Variants in CACNA1B observed in about 807,000 individuals in gnomAD.
CACNA1B encodes voltage-dependent N-type calcium channel subunit alpha-1B.
Under a neutral mutation model 247.2 loss-of-function variants are expected in CACNA1B, and 70 were observed. The observed-to-expected ratio is 0.28, with a 90% CI of 0.23 to 0.35. The LOEUF is 0.35. CACNA1B is among the 10% of genes least tolerant of loss of function. The pLI, the probability that CACNA1B is intolerant of heterozygous loss-of-function variation, is 1.00. For missense variants in CACNA1B, 2,367 were observed against 3,197.4 expected (o/e 0.74, Z 6.26); for synonymous variants, 1,231 against 1,294.4 (o/e 0.95, Z 1.05).
chr9:138,052,072 C>G lies in CACNA1B; in HGVS notation c.3711-20C>G. ...ACCCATGCCTCCTGCCTGTCTGCATCTGTGGCTTCTCCCTTCTAGAGGATC... is the reference window on the plus strand; with the variant it reads ...ACCCATGCCTCCTGCCTGTCTGCATGTGTGGCTTCTCCCTTCTAGAGGATC... On this transcript the variant is annotated intron_variant, in intron 24 of 46. Transcript: ENST00000371372. The surrounding 1 kb of genome is among the most constrained non-coding windows in gnomAD (Gnocchi z 5.1). 2.8e-6 allele frequency: 4 copies of G among 1,454,068 alleles called. No individual in the cohort carries two copies. The highest frequency in any genetic ancestry group is 3.9e-6 in the Non-Finnish European group (4 of 1,036,900). 90.1% of individuals were successfully genotyped at this position (1,454,068 alleles called of 1,614,324 possible).
At chr9:137,883,297 C>T (rs1317889618) in intron 3 of CACNA1B, among the ~76,000 whole-genome samples, 4 of 151,462 alleles carry the variant, frequency 2.6e-5, no homozygotes, top group Admixed American at 2.6e-4. Flanking sequence ...GGGCACTTGG[C>T]GGTTTGAATT....
intron 6 of CACNA1B, among the ~76,000 whole-genome samples, chr9:137,930,247 T>A (rs1957594077): frequency 6.6e-6 from 1 of 152,258 alleles, no homozygotes; most frequent in Non-Finnish European, 1.5e-5. Flanking sequence ...TATGTTTTCC[T>A]CTGGCACTGC....
intron 38 of CACNA1B, among the ~76,000 whole-genome samples, chr9:138,104,655 G>A (rs1442740373): frequency 2.0e-5 from 3 of 152,280 alleles, no homozygotes; most frequent in African/African-American, 4.8e-5. Context: ...TGATGCTAGG[G>A]GCAGGGCTGT....
chr9:137,887,092 C>T lies in CACNA1B; in HGVS notation c.530+4209C>T, dbSNP rs1192028140. On this transcript the variant is annotated intron_variant, in intron 3 of 46. Transcript: ENST00000371372. ...ACCTGGACTTACAAGTGGCAGCTGG[C>T]GGTGAGGTTGGCGGAGCAGCGGAGG... Among the ~76,000 whole-genome samples the T allele has an allele frequency of 7.3e-5, 11 of 151,574 alleles. No individual in the cohort carries two copies. The East Asian group carries it at 2.0e-3, about 27-fold the overall frequency.
At chr9:137,895,918 G>T (rs985112408) in intron 3 of CACNA1B, among the ~76,000 whole-genome samples, 3 of 152,170 alleles carry the variant, frequency 2.0e-5, no homozygotes, top group African/African-American at 7.2e-5. Flanking sequence ...AATTTCAGGA[G>T]GAAAACATTC....
At chr9:138,046,793 T>A in intron 21 of CACNA1B, 111 bp from the exon 22 acceptor site, 1 of 1,030,344 alleles carries the variant, frequency 9.7e-7, no homozygotes, top group Non-Finnish European at 1.4e-6. Context: ...GGGCCACAGC[T>A]TCCTGAGGCA....
chr9:137,983,943 A>G (rs1365486510), intron 12 of CACNA1B, among the ~76,000 whole-genome samples, 195 bp from the exon 13 acceptor site: 4 of 151,840 alleles, frequency 2.6e-5, no homozygotes, highest in South Asian at 2.1e-4. Flanking sequence ...GTGGGACTCT[A>G]TAGCCTTTCC....
intron 12 of CACNA1B, among the ~76,000 whole-genome samples, chr9:137,981,586 C>G (rs1958294194): frequency 6.6e-6 from 1 of 152,146 alleles, no homozygotes; most frequent in African/African-American, 2.4e-5. Context: ...AAGCAATTTT[C>G]CTGCCTCAGC....
At chr9:137,886,086 C>T (rs1443308211) in intron 3 of CACNA1B, among the ~76,000 whole-genome samples, 2 of 151,590 alleles carry the variant, frequency 1.3e-5, no homozygotes, top group South Asian at 2.1e-4. Flanking sequence ...GGCGCCTGGC[C>T]GTCTCCTGTG....
At chr9:137,943,829 G>C (rs931293594) in intron 6 of CACNA1B, among the ~76,000 whole-genome samples, 2 of 152,150 alleles carry the variant, frequency 1.3e-5, no homozygotes, top group Non-Finnish European at 2.9e-5. Context: ...GTAGGTAACC[G>C]CAATGAGCAC....
intron 6 of CACNA1B, among the ~76,000 whole-genome samples, chr9:137,930,056 C>T (rs960993991): frequency 6.6e-6 from 1 of 152,166 alleles, no homozygotes; most frequent in Non-Finnish European, 1.5e-5. Context: ...CTTGGCCTCT[C>T]AAAGCTCTGG....
chr9:137,927,160 T>G (rs1375676584), intron 6 of CACNA1B, among the ~76,000 whole-genome samples: 1 of 152,162 alleles, frequency 6.6e-6, no homozygotes, highest in African/African-American at 2.4e-5. Flanking sequence ...AGTTTTACTT[T>G]TTTTAGGTCT....
intron 36 of CACNA1B, among the ~76,000 whole-genome samples, chr9:138,082,672 A>G (rs779146235): frequency 1.5e-4 from 23 of 151,426 alleles, no homozygotes; most frequent in Non-Finnish European, 2.8e-4. Context: ...AACAAAATGT[A>G]TAAAGAACTT....
chr9:138,009,998 G>A lies in CACNA1B; in HGVS notation c.2093-12G>A, dbSNP rs1958704198. 1 of 1,612,096 alleles carries A rather than the reference G, an allele frequency of 6.2e-7. No individual in the cohort carries two copies. Among genetic ancestry groups the A allele is most frequent in the Non-Finnish European group, 8.5e-7 (1 of 1,178,304 alleles). ...GGGGCAGAGGTTCCCTTCCTCAGCT[G>A]GACCCAACCAGACACTCTGCTGAAT... On this transcript the variant is annotated splice_polypyrimidine_tract_variant and intron_variant, in intron 16 of 46. Coordinates refer to ENST00000371372, the MANE Select transcript of CACNA1B (RefSeq NM_000718.4).
rs1957307733 is a variant in CACNA1B at position 137,907,073 on chromosome 9, G to GCATTCCACCTTTCGCTGTGTGTGTATC, written c.531-6103_531-6077dup. Among the ~76,000 whole-genome samples the GCATTCCACCTTTCGCTGTGTGTGTATC allele has an allele frequency of 3.9e-5, 6 of 152,338 alleles. No homozygotes were observed. The South Asian group carries it at 1.2e-3, about 32-fold the overall frequency. On this transcript the variant is annotated intron_variant, in intron 3 of 46. Coordinates refer to ENST00000371372, the MANE Select transcript of CACNA1B (RefSeq NM_000718.4). ...CCTGCCAGGGCACGTGGGTGTGTGG[G>GCATTCCACCTTTCGCTGTGTGTGTATC]CATTCCACCTTTCGCTGTGTGTGTA... is the stretch of plus-strand genomic sequence containing the variant.
chr9:137,964,836 T>C (rs1363627289), intron 10 of CACNA1B, among the ~76,000 whole-genome samples: 1 of 152,376 alleles, frequency 6.6e-6, no homozygotes, highest in Non-Finnish European at 1.5e-5. Context: ...TGTGGGCTTA[T>C]CCACCTTTGA....
At chr9:138,047,683 C>T (rs1040822770) in intron 23 of CACNA1B, among the ~76,000 whole-genome samples, 3 of 152,210 alleles carry the variant, frequency 2.0e-5, no homozygotes, top group African/African-American at 4.8e-5. Context: ...TCCCCAGTGT[C>T]GTGCCTGGGC....
In CACNA1B at chr9:138,073,444, T is replaced by C; in HGVS notation, c.4675-44T>C. The C allele has an allele frequency of 7.9e-7, 1 of 1,273,214 alleles. No homozygotes were observed. 78.9% of individuals were successfully genotyped at this position (1,273,214 alleles called of 1,614,324 possible). ...AGGGTGGCAGCAGCTTGCCTGCGCTTTCGGGGCTTCTGAAGGTCAGAGAAC... is the reference window on the plus strand; with the variant it reads ...AGGGTGGCAGCAGCTTGCCTGCGCTCTCGGGGCTTCTGAAGGTCAGAGAAC... On this transcript the variant is annotated intron_variant, in intron 32 of 46. Transcript: ENST00000371372. The surrounding 1 kb of genome is among the most constrained non-coding windows in gnomAD (Gnocchi z 6.4).
rs188469176 is a variant in CACNA1B at position 138,074,092 on chromosome 9, C to T, written c.4857+26C>T. ...GTGGGTGCTCCCCTTTGGGACAGAG[C>T]GTGGTTCCGGCCTCCCGTGCCCTGG... On this transcript the variant is annotated intron_variant, in intron 34 of 46. Transcript: ENST00000371372. The T allele has an allele frequency of 4.3e-5, 68 of 1,584,166 alleles. No homozygotes were observed. The East Asian group carries it at 1.2e-3, about 28-fold the overall frequency.
Sources: allele counts gnomAD v4.1 joint callset (sites outside exome capture counted in the v4.1 genomes callset), GRCh38; gene constraint gnomAD v4.1.1; non-coding constraint Gnocchi (gnomAD v3.1); transcripts MANE v1.5; gene names NCBI Gene and HGNC (gene_info 2026-07-23, HGNC 2026-07-21).